NXPE2: variants seen among roughly 807,000 people sequenced by gnomAD.
The protein encoded by NXPE2 is NXPE family member 2.
In NXPE2, 34 loss-of-function variants were observed where a neutral mutation model predicts 34.4. The observed-to-expected ratio is 0.99, with a 90% confidence interval of 0.75 to 1.31. The LOEUF is 1.31. Ranked by LOEUF, NXPE2 falls within the 40% of genes most tolerant of loss-of-function variation. The probability of loss-of-function intolerance (pLI) is 0.00; values close to 1 mark genes in which losing one functional copy is unlikely to be tolerated. For missense variants in NXPE2, 649 were observed against 672.5 expected (o/e 0.97, Z 0.39); for synonymous variants, 235 against 231.3 (o/e 1.02, Z -0.15).
At chr11:114,761,320 G>A in the NXPE2 span, among the ~76,000 whole-genome samples, 1 of 152,308 alleles carries the variant, frequency 6.6e-6, no homozygotes, top group Middle Eastern at 3.4e-3. Context: ...TGAACTGAAA[G>A]AGAAAGCAAT....
chr11:114,510,603 T>A, the NXPE2 span, among the ~76,000 whole-genome samples: 1 of 152,122 alleles, frequency 6.6e-6, no homozygotes, highest in Non-Finnish European at 1.5e-5. Flanking sequence ...CCTAGGGTAG[T>A]GGTGAAGGAG....
the NXPE2 span, among the ~76,000 whole-genome samples, chr11:114,487,959 A>T: frequency 1.3e-5 from 2 of 152,086 alleles, no homozygotes; most frequent in Non-Finnish European, 2.9e-5. Flanking sequence ...ATTGACCTTT[A>T]GCTTTCCTTT....
Position 114,706,451 on chromosome 11 carries a change from G to A in NXPE2, c.1201G>A (p.Asp401Asn). The change falls in exon 6 of 6, where the codon GAT becomes AAT. Residue 401 changes from aspartate (D) to asparagine (N), a missense_variant. Coordinates refer to ENST00000389586, the MANE Select transcript of NXPE2 (RefSeq NM_182495.6). ...GATCTTTAAAACACATGTTCTTCTG[G>A]ATGTTGAAAGACATATTTTGATTCA... is the stretch of plus-strand genomic sequence containing the variant. ...AGIFKTHVLL[D>N]VERHILIQWK... is the part of the protein sequence containing the mutation. 6.4e-7 allele frequency: 1 copy of A among 1,551,400 alleles called. No homozygotes were observed. The highest frequency in any genetic ancestry group is 8.7e-7 in the Non-Finnish European group (1 of 1,146,798).
At chr11:114,653,609 G>C in the NXPE2 span, among the ~76,000 whole-genome samples, 2 of 145,508 alleles carry the variant, frequency 1.4e-5, no homozygotes, top group South Asian at 4.4e-4. Context: ...CTCACTGCAA[G>C]CTTCAACTTC....
chr11:114,481,958 C>T, the NXPE2 span, among the ~76,000 whole-genome samples: 2 of 152,106 alleles, frequency 1.3e-5, no homozygotes, highest in South Asian at 2.1e-4. Context: ...CCTCCTACCT[C>T]GGCATTGAAG....
intron 2 of NXPE2, among the ~76,000 whole-genome samples, chr11:114,690,921 T>G (rs1367521400): frequency 1.3e-5 from 2 of 152,092 alleles, no homozygotes; most frequent in Non-Finnish European, 2.9e-5. Flanking sequence ...ATTTTTTAAT[T>G]CCAGAAGTTC....
At chr11:114,573,815 T>A in the NXPE2 span, among the ~76,000 whole-genome samples, 5 of 151,742 alleles carry the variant, frequency 3.3e-5, no homozygotes. Flanking sequence ...AGACAGAAAG[T>A]CAACAAAGAA....
the NXPE2 span, chr11:114,581,600 C>T: frequency 2.6e-6 from 2 of 757,248 alleles, no homozygotes; most frequent in Non-Finnish European, 4.4e-6. Flanking sequence ...TCTTGGCCAA[C>T]CTTAGATAAG....
chr11:114,637,807 C>T, the NXPE2 span, among the ~76,000 whole-genome samples: 1 of 152,122 alleles, frequency 6.6e-6, no homozygotes, highest in South Asian at 2.1e-4. Context: ...TCTCTTCTGG[C>T]TTGTAGAGTT....
chr11:114,706,798 TA>T lies in NXPE2; in HGVS notation c.1549del (p.Ile517PhefsTer15). The T allele has an allele frequency of 2.6e-6, 4 of 1,552,394 alleles. No individual in the cohort carries two copies. The highest frequency in any genetic ancestry group is 8.7e-7 in the Non-Finnish European group (1 of 1,147,078). The part of the protein sequence containing the change: ...GYIQNLIIRD[I>X]FVDLNVGIID... ...ATATTCAGAATCTTATCATAAGAGA[TA>T]TTTTTGTGGATCTTAATGTGGGTAT... On this transcript the variant is annotated frameshift_variant, in exon 6 of 6. Transcript: ENST00000389586. LOFTEE classifies it low-confidence loss of function (END_TRUNC).
intron 4 of NXPE2, among the ~76,000 whole-genome samples, chr11:114,704,994 T>G (rs1034891238): frequency 6.6e-6 from 1 of 152,184 alleles, no homozygotes; most frequent in Admixed American, 6.6e-5. Context: ...TCTGATGTTA[T>G]TCAATACGAA....
chr11:114,465,561 T>C, the NXPE2 span, among the ~76,000 whole-genome samples: 1 of 152,190 alleles, frequency 6.6e-6, no homozygotes, highest in Non-Finnish European at 1.5e-5. Flanking sequence ...AAGAGGGCTA[T>C]GCAGGAAGTT....
At chr11:114,718,095 A>G in the NXPE2 span, among the ~76,000 whole-genome samples, 1 of 152,226 alleles carries the variant, frequency 6.6e-6, no homozygotes, top group African/African-American at 2.4e-5. Context: ...GTATGAATGA[A>G]TGAATAATAA....
the NXPE2 span, chr11:114,523,180 T>A: frequency 1.2e-5 from 11 of 915,620 alleles, no homozygotes; most frequent in Non-Finnish European, 1.9e-5. Flanking sequence ...TTGCTCTCTT[T>A]CCCCCTTCCT....
At chr11:114,792,960 TA>T in the NXPE2 span, among the ~76,000 whole-genome samples, 1 of 152,162 alleles carries the variant, frequency 6.6e-6, no homozygotes, top group African/African-American at 2.4e-5. Context: ...ATGTCTGCGG[TA>T]AAAAGGAACT....
the NXPE2 span, among the ~76,000 whole-genome samples, chr11:114,643,856 A>G: frequency 2.6e-5 from 4 of 152,176 alleles, no homozygotes; most frequent in African/African-American, 9.6e-5. Flanking sequence ...CTTTAGGCAG[A>G]ATGGCCACTT....
chr11:114,495,531 C>G, the NXPE2 span, among the ~76,000 whole-genome samples: 3 of 151,806 alleles, frequency 2.0e-5, no homozygotes, highest in Non-Finnish European at 4.4e-5. Flanking sequence ...GGTACCCAAG[C>G]TGCAAAACAA....
At chr11:114,621,457 G>A in the NXPE2 span, among the ~76,000 whole-genome samples, 2 of 152,094 alleles carry the variant, frequency 1.3e-5, no homozygotes, top group Non-Finnish European at 2.9e-5. Context: ...TTACCCAGTG[G>A]ATAATAAGTA....
At chr11:114,526,844 A>AG in the NXPE2 span, among the ~76,000 whole-genome samples, 2 of 152,232 alleles carry the variant, frequency 1.3e-5, no homozygotes, top group Non-Finnish European at 2.9e-5. Flanking sequence ...ATGACAGGCA[A>AG]TTAGAAATTA....
Sources: allele counts gnomAD v4.1 joint callset (sites outside exome capture counted in the v4.1 genomes callset), GRCh38; gene constraint gnomAD v4.1.1; transcripts MANE v1.5; gene names NCBI Gene and HGNC (gene_info 2026-07-23, HGNC 2026-07-21).